CTNNA3: variants seen among roughly 807,000 people sequenced by gnomAD.
CTNNA3 encodes catenin alpha-3.
In CTNNA3, 76 loss-of-function variants were observed where a neutral mutation model predicts 95.7. The observed-to-expected ratio is 0.79, with a 90% CI of 0.66 to 0.96. The LOEUF (loss-of-function observed/expected upper bound fraction) is 0.96, where lower values mean the gene tolerates loss of function less well. Among genes scored for constraint, CTNNA3 ranks in the 40% least tolerant of loss-of-function variants. The pLI is 0.00. For missense variants in CTNNA3, 1,191 were observed against 1,089.8 expected, an observed-to-expected ratio of 1.09 and a Z score of -1.31; for synonymous variants, 431 against 374.4, an observed-to-expected ratio of 1.15 and a Z score of -1.74.
chr10:67,486,504 A>G (rs1327946807), intron 5 of CTNNA3, among the ~76,000 whole-genome samples: 1 of 152,120 alleles, frequency 6.6e-6, no homozygotes, highest in Non-Finnish European at 1.5e-5. Context: ...TTGTATCTAC[A>G]TTCAATTTCT....
chr10:66,481,988 T>C (rs1004844125), intron 11 of CTNNA3, among the ~76,000 whole-genome samples: 2 of 152,052 alleles, frequency 1.3e-5, no homozygotes, highest in African/African-American at 4.8e-5. Context: ...AGAAAATAAA[T>C]ATCAATAGGG....
At chr10:66,714,582 A>G (rs187237168) in intron 9 of CTNNA3, among the ~76,000 whole-genome samples, 8 of 152,204 alleles carry the variant, frequency 5.3e-5, no homozygotes, top group African/African-American at 1.9e-4. Context: ...TTTCTAAACC[A>G]TTCACCATCC....
At chr10:67,034,174 TC>T (rs774185623) in intron 7 of CTNNA3, among the ~76,000 whole-genome samples, 1 of 152,186 alleles carries the variant, frequency 6.6e-6, no homozygotes, top group Non-Finnish European at 1.5e-5. Flanking sequence ...TAGTTTCCTA[TC>T]CTTTACCATC....
chr10:66,684,751 C>T (rs539564216), intron 9 of CTNNA3, among the ~76,000 whole-genome samples: 17 of 152,028 alleles, frequency 1.1e-4, no homozygotes, highest in Non-Finnish European at 2.1e-4. Flanking sequence ...TCTTGGAAGT[C>T]CAAGATAAAA....
intron 7 of CTNNA3, among the ~76,000 whole-genome samples, chr10:67,146,716 T>G (rs1860863998): frequency 5.3e-5 from 8 of 152,130 alleles, no homozygotes; most frequent in Admixed American, 4.6e-4. Flanking sequence ...TCCCAAAATA[T>G]TAAAGAAAAA....
intron 7 of CTNNA3, among the ~76,000 whole-genome samples, chr10:66,885,932 A>G (rs60367553): frequency 6.6e-6 from 1 of 152,030 alleles, no homozygotes; most frequent in African/African-American, 2.4e-5. Flanking sequence ...TGCCCAACCA[A>G]CTTTCTTCAT....
chr10:67,205,422 C>G (rs1863851426), intron 6 of CTNNA3, among the ~76,000 whole-genome samples: 1 of 152,022 alleles, frequency 6.6e-6, no homozygotes, highest in African/African-American at 2.4e-5. Flanking sequence ...CTTATTTACC[C>G]ACCAAAATTG....
chr10:66,745,476 C>A (rs1838823735), intron 9 of CTNNA3, among the ~76,000 whole-genome samples: 1 of 151,650 alleles, frequency 6.6e-6, no homozygotes, highest in Admixed American at 6.6e-5. Context: ...GGCCTGCTGA[C>A]AAAGGATGTG....
chr10:66,825,017 C>A (rs1157904506), intron 7 of CTNNA3, among the ~76,000 whole-genome samples: 1 of 150,610 alleles, frequency 6.6e-6, no homozygotes, highest in Non-Finnish European at 1.5e-5. Flanking sequence ...AAGATTCCTG[C>A]AACTTTTCTG....
At chr10:66,972,128 T>C (rs1376634315) in intron 7 of CTNNA3, among the ~76,000 whole-genome samples, 1 of 152,176 alleles carries the variant, frequency 6.6e-6, no homozygotes, top group Non-Finnish European at 1.5e-5. Flanking sequence ...CTCCTTATGA[T>C]AGAATATCGC....
rs185236351 is a variant in CTNNA3 at position 66,264,697 on chromosome 10, G to T, written c.1884+15773C>A. On this transcript the variant is annotated intron_variant, in intron 13 of 17. Coordinates refer to ENST00000433211, the MANE Select transcript of CTNNA3 (RefSeq NM_013266.4). Reference sequence around the variant, plus strand: ...TAAGTCACATGTAACTACTATATCGGACAGTGCAGCTCTAGTATATGGCAA... The same window carrying T: ...TAAGTCACATGTAACTACTATATCGTACAGTGCAGCTCTAGTATATGGCAA... 2.4e-4 allele frequency among the ~76,000 whole-genome samples: 36 copies of T among 152,006 alleles called. 2 individuals carry two copies. The East Asian group carries it at 7.0e-3, about 29-fold the overall frequency.
chr10:66,536,312 T>C (rs947150801), intron 10 of CTNNA3, among the ~76,000 whole-genome samples: 39 of 151,654 alleles, frequency 2.6e-4, no homozygotes, highest in Admixed American at 2.6e-3. Context: ...CGAAACTCCA[T>C]CTATACTAAA....
intron 1 of CTNNA3, among the ~76,000 whole-genome samples, chr10:67,675,044 A>C (rs1840510700): frequency 6.6e-6 from 1 of 152,022 alleles, no homozygotes; most frequent in South Asian, 2.1e-4. Flanking sequence ...TGTTGTTTTA[A>C]TGTGTCTTTA....
At chr10:67,245,579 C>T (rs1865872209) in intron 5 of CTNNA3, among the ~76,000 whole-genome samples, 1 of 152,062 alleles carries the variant, frequency 6.6e-6, no homozygotes, top group African/African-American at 2.4e-5. Context: ...AGAGAATTGG[C>T]CAGGTGCTAG....
intron 5 of CTNNA3, among the ~76,000 whole-genome samples, chr10:67,430,670 A>G (rs1846080857): frequency 6.6e-6 from 1 of 152,078 alleles, no homozygotes; most frequent in Admixed American, 6.6e-5. Context: ...GGTATGTGCT[A>G]GACATATCAA....
chr10:66,359,130 C>T (rs2092634435), intron 12 of CTNNA3, among the ~76,000 whole-genome samples: 1 of 152,144 alleles, frequency 6.6e-6, no homozygotes, highest in Non-Finnish European at 1.5e-5. Flanking sequence ...CATAATCCTT[C>T]ATTATATTCT....
chr10:66,764,882 T>C (rs1219768060), intron 9 of CTNNA3, among the ~76,000 whole-genome samples: 1 of 152,248 alleles, frequency 6.6e-6, no homozygotes, highest in Non-Finnish European at 1.5e-5. Context: ...ACAATGTCAA[T>C]GACTATGAAG....
chr10:66,419,073 A>G (rs1291654698), intron 11 of CTNNA3, among the ~76,000 whole-genome samples: 1 of 152,128 alleles, frequency 6.6e-6, no homozygotes. Flanking sequence ...AAAAAGAGAA[A>G]GTCAAATTGT....
chr10:66,906,426 G>A (rs1359314648), intron 7 of CTNNA3, among the ~76,000 whole-genome samples: 1 of 152,068 alleles, frequency 6.6e-6, no homozygotes, highest in African/African-American at 2.4e-5. Context: ...AATTCTACAG[G>A]ACAAATAACC....
Sources: allele counts gnomAD v4.1 joint callset (sites outside exome capture counted in the v4.1 genomes callset), GRCh38; gene constraint gnomAD v4.1.1; transcripts MANE v1.5; gene names NCBI Gene and HGNC (gene_info 2026-07-23, HGNC 2026-07-21).